The following FAM222B variants were observed in gnomAD, a reference collection of about 807,000 sequenced individuals.
FAM222B encodes the protein protein FAM222B.
Under a neutral mutation model 38.0 loss-of-function variants are expected in FAM222B, and 12 were observed. The observed-to-expected ratio is 0.32, with a 90% CI of 0.20 to 0.51. The LOEUF (loss-of-function observed/expected upper bound fraction) is 0.51, where lower values mean the gene tolerates loss of function less well. FAM222B is among the 20% of genes least tolerant of loss of function. FAM222B has a pLI of 0.97. For missense variants in FAM222B, 716 were observed against 754.2 expected (o/e 0.95, Z 0.59); for synonymous variants, 329 against 317.2 (o/e 1.04, Z -0.40).
Position 28,759,689 on chromosome 17 carries a change from G to A in FAM222B, c.270C>T (p.Pro90=). 1.9e-6 allele frequency: 3 copies of A among 1,613,758 alleles called. No homozygotes were observed. The highest frequency in any genetic ancestry group is 2.5e-6 in the Non-Finnish European group (3 of 1,179,808). ...GLDTSAQRYS[P]YPTQAATKAG... ...CCTTGGTGGCAGCCTGTGTCGGGTA[G>A]GGGCTGTAGCGCTGGGCTGATGTGT... The change falls in exon 3 of 3, where the codon CCC becomes CCT. Residue 90 remains proline, a synonymous_variant. Transcript: ENST00000581407. The surrounding 1 kb of genome is among the most constrained non-coding windows in gnomAD (Gnocchi z 4.8).
At chr17:28,813,868 T>G (rs897733498) in intron 1 of FAM222B, among the ~76,000 whole-genome samples, 1 of 150,476 alleles carries the variant, frequency 6.6e-6, no homozygotes, top group Admixed American at 6.6e-5. Flanking sequence ...TTTTAAACAC[T>G]GTGGTATATT....
chr17:28,813,369 C>T (rs1214910854), intron 1 of FAM222B, among the ~76,000 whole-genome samples: 1 of 152,024 alleles, frequency 6.6e-6, no homozygotes, highest in African/African-American at 2.4e-5. Context: ...GAGACTAAGA[C>T]AACATGAAAA....
At chr17:28,779,616 T>C (rs2036072590) in intron 1 of FAM222B, among the ~76,000 whole-genome samples, 1 of 151,902 alleles carries the variant, frequency 6.6e-6, no homozygotes, top group African/African-American at 2.4e-5. Flanking sequence ...CCGGGTGTGG[T>C]GGCGGGCGCC....
intron 1 of FAM222B, chr17:28,834,874 A>T (rs2038785604): frequency 6.8e-6 from 1 of 147,424 alleles, no homozygotes. Context: ...TTTTTCCCTG[A>T]GATGGAATCT....
intron 1 of FAM222B, among the ~76,000 whole-genome samples, chr17:28,825,639 C>G (rs1458505419): frequency 6.6e-6 from 1 of 152,078 alleles, no homozygotes; most frequent in African/African-American, 2.4e-5. Flanking sequence ...AATGTTTGAT[C>G]TGCTGATCTT....
intron 1 of FAM222B, among the ~76,000 whole-genome samples, chr17:28,784,971 G>T (rs1185008266): frequency 6.6e-6 from 1 of 151,606 alleles, no homozygotes; most frequent in African/African-American, 2.4e-5. Flanking sequence ...TCCCAGGCTG[G>T]TCTTAAACTC....
chr17:28,775,836 G>A (rs1024108727), intron 1 of FAM222B, among the ~76,000 whole-genome samples: 1 of 149,862 alleles, frequency 6.7e-6, no homozygotes, highest in Non-Finnish European at 1.5e-5. Context: ...AGCCGAGATG[G>A]CGCCACTACA....
At chr17:28,835,471 T>C (rs896904882) in intron 1 of FAM222B, among the ~76,000 whole-genome samples, 3 of 152,212 alleles carry the variant, frequency 2.0e-5, no homozygotes, top group African/African-American at 4.8e-5. Context: ...CCAACATTTT[T>C]TCAATGAGGC....
intron 1 of FAM222B, among the ~76,000 whole-genome samples, chr17:28,806,515 G>A (rs577890260): frequency 2.6e-5 from 4 of 152,150 alleles, no homozygotes; most frequent in African/African-American, 4.8e-5. Flanking sequence ...TAGTCCCTTC[G>A]GTGGCTGGGT....
rs139808077 is a variant in FAM222B at position 28,785,570 on chromosome 17, T to C, written c.-40-18863A>G. Among the ~76,000 whole-genome samples the C allele has an allele frequency of 3.5e-3, 540 of 152,288 alleles. 2 individuals are homozygous for C. The highest frequency in any genetic ancestry group is 5.7e-3 in the Non-Finnish European group (390 of 68,028). On this transcript the variant is annotated intron_variant, in intron 1 of 2. Transcript: ENST00000581407. ...TTATTTTTGAGACAGAGTTTCGCTCTTGTTGCCCAGGCTGGAGTGCAATGG... is the reference window on the plus strand; with the variant it reads ...TTATTTTTGAGACAGAGTTTCGCTCCTGTTGCCCAGGCTGGAGTGCAATGG...
chr17:28,817,982 C>A (rs2038082976), intron 1 of FAM222B, among the ~76,000 whole-genome samples: 1 of 152,160 alleles, frequency 6.6e-6, no homozygotes, highest in Admixed American at 6.6e-5. Context: ...AAACTTCTAT[C>A]TATGAAAGTA....
rs148525731 is a variant in FAM222B, at chr17:28,853,302, T to C, written c.-41+1648A>G. ...ACGCTTGAGACTGGGAGGTCGAGGC[T>C]GTAGTGAGCCATGATTGCACCACTG... is the stretch of plus-strand genomic sequence containing the variant. On this transcript the variant is annotated intron_variant, in intron 1 of 2. Transcript: ENST00000577513. Among the ~76,000 whole-genome samples the C allele has an allele frequency of 1.7e-3, 255 of 151,830 alleles. 1 individual carries two copies. The highest frequency in any genetic ancestry group is 5.4e-3 in the African/African-American group (225 of 41,376).
chr17:28,849,805 G>A (rs2039169262), intron 1 of FAM222B, among the ~76,000 whole-genome samples: 1 of 152,068 alleles, frequency 6.6e-6, no homozygotes, highest in Admixed American at 6.6e-5. Flanking sequence ...CTCCTCACCA[G>A]GCGCAGTGGC....
intron 1 of FAM222B, among the ~76,000 whole-genome samples, chr17:28,789,126 T>A (rs961394029): frequency 1.4e-5 from 2 of 140,456 alleles, no homozygotes; most frequent in African/African-American, 2.6e-5. Context: ...CGACAAGTAA[T>A]CTTATGGATA....
chr17:28,772,762 G>A (rs560007229), intron 1 of FAM222B, among the ~76,000 whole-genome samples: 66 of 152,106 alleles, frequency 4.3e-4, no homozygotes, highest in Non-Finnish European at 5.1e-4. Flanking sequence ...GGGCATGGCG[G>A]TGGGCACCTG....
At chr17:28,803,014 TC>T (rs1390597877) in intron 1 of FAM222B, among the ~76,000 whole-genome samples, 2 of 151,982 alleles carry the variant, frequency 1.3e-5, no homozygotes, top group Non-Finnish European at 2.9e-5. Flanking sequence ...CTTTGCTTTT[TC>T]TTTTTTTTTT....
intron 2 of FAM222B, among the ~76,000 whole-genome samples, chr17:28,761,210 G>A (rs927162106): frequency 1.6e-4 from 25 of 152,210 alleles, no homozygotes; most frequent in African/African-American, 5.1e-4. Context: ...GCGGATGTCC[G>A]GCTTCCAGTC....
At chr17:28,782,030 T>C (rs889700502) in intron 1 of FAM222B, among the ~76,000 whole-genome samples, 2 of 152,044 alleles carry the variant, frequency 1.3e-5, no homozygotes, top group Admixed American at 6.6e-5. Flanking sequence ...TCCCATAAGA[T>C]CAAAATATCG....
chr17:28,802,015 AAAAAAGAAAAAAAG>A (rs1200872593), intron 1 of FAM222B, among the ~76,000 whole-genome samples: 4 of 151,574 alleles, frequency 2.6e-5, no homozygotes, highest in Non-Finnish European at 5.9e-5. Flanking sequence ...TGCAAAAAAA[AAAAAAGAAAAAAAG>A]AAAAAGAAAA....
Sources: allele counts gnomAD v4.1 joint callset (sites outside exome capture counted in the v4.1 genomes callset), GRCh38; gene constraint gnomAD v4.1.1; non-coding constraint Gnocchi (gnomAD v3.1); transcripts MANE v1.5; gene names NCBI Gene and HGNC (gene_info 2026-07-23, HGNC 2026-07-21).